The following CDKAL1 variants were observed in gnomAD, a reference collection of about 807,000 sequenced individuals.
The protein encoded by CDKAL1 is threonylcarbamoyladenosine tRNA methylthiotransferase.
A neutral mutation model predicts 68.2 loss-of-function variants in CDKAL1; 32 were observed. That is an observed-to-expected ratio of 0.47 (90% CI 0.35 to 0.63). The LOEUF (loss-of-function observed/expected upper bound fraction) is 0.63, where lower values mean the gene tolerates loss of function less well. Among genes scored for constraint, CDKAL1 ranks in the 30% least tolerant of loss-of-function variants. The probability of loss-of-function intolerance (pLI) is 0.00; values close to 1 mark genes in which losing one functional copy is unlikely to be tolerated. For missense variants in CDKAL1, 606 were observed against 696.7 expected (o/e 0.87, Z 1.47); for synonymous variants, 234 against 244.3 (o/e 0.96, Z 0.39).
At chr6:20,550,223 C>T (rs956926009) in intron 4 of CDKAL1, among the ~76,000 whole-genome samples, 1 of 150,608 alleles carries the variant, frequency 6.6e-6, no homozygotes, top group African/African-American at 2.4e-5. Flanking sequence ...GGTGATTTAC[C>T]TGCCTTGGCC....
At chr6:21,164,496 G>A (rs1324491239) in intron 13 of CDKAL1, among the ~76,000 whole-genome samples, 2 of 150,348 alleles carry the variant, frequency 1.3e-5, no homozygotes, top group East Asian at 1.9e-4. Context: ...CACACAGACC[G>A]GGGCTGGCCC....
chr6:20,822,408 A>G (rs1777323148), intron 8 of CDKAL1, among the ~76,000 whole-genome samples: 1 of 152,168 alleles, frequency 6.6e-6, no homozygotes, highest in Non-Finnish European at 1.5e-5. Context: ...ATTTTAGGTC[A>G]TCATTCACTC....
chr6:21,215,774 A>G (rs1193084467), intron 15 of CDKAL1, among the ~76,000 whole-genome samples: 2 of 152,146 alleles, frequency 1.3e-5, no homozygotes, highest in Admixed American at 6.5e-5. Context: ...CACCCTGGGG[A>G]CCTGTGGTAG....
At chr6:20,677,077 T>TTG (rs112049271) in intron 5 of CDKAL1, among the ~76,000 whole-genome samples, 18 of 151,906 alleles carry the variant, frequency 1.2e-4, no homozygotes, top group Non-Finnish European at 2.4e-4. Flanking sequence ...ATAATTTTTT[T>TTG]TGTGTGTGTG....
chr6:20,664,046 A>AT (rs1424740655), intron 5 of CDKAL1, among the ~76,000 whole-genome samples: 2 of 152,046 alleles, frequency 1.3e-5, no homozygotes, highest in African/African-American at 2.4e-5. Flanking sequence ...CTTGCTGGAG[A>AT]TTTTTTATAG....
At chr6:20,917,457 T>C (rs1376909321) in intron 9 of CDKAL1, among the ~76,000 whole-genome samples, 1 of 152,224 alleles carries the variant, frequency 6.6e-6, no homozygotes, top group Non-Finnish European at 1.5e-5. Context: ...AGTAAAAGTG[T>C]ATAATACAAA....
intron 7 of CDKAL1, among the ~76,000 whole-genome samples, chr6:20,763,668 T>C (rs974729791): frequency 3.3e-5 from 5 of 152,182 alleles, no homozygotes; most frequent in Non-Finnish European, 5.9e-5. Flanking sequence ...GCATTCTTCT[T>C]ATTGCTGCTT....
intron 5 of CDKAL1, among the ~76,000 whole-genome samples, chr6:20,664,478 T>G (rs1385494273): frequency 6.6e-6 from 1 of 152,182 alleles, no homozygotes; most frequent in Non-Finnish European, 1.5e-5. Context: ...AAGTTTAATT[T>G]GGTGCTTTCC....
At chr6:20,854,896 G>A (rs1222873106) in intron 9 of CDKAL1, among the ~76,000 whole-genome samples, 2 of 152,172 alleles carry the variant, frequency 1.3e-5, no homozygotes, top group Non-Finnish European at 2.9e-5. Context: ...TCCAAAACTT[G>A]GTGGAAAATT....
chr6:21,207,980 C>G (rs1779004308), intron 15 of CDKAL1, among the ~76,000 whole-genome samples: 1 of 151,810 alleles, frequency 6.6e-6, no homozygotes, highest in Non-Finnish European at 1.5e-5. Flanking sequence ...GTTGGCCATT[C>G]TTACGGACAG....
rs905721525 is a variant in CDKAL1 at position 20,771,797 on chromosome 6, C to T, written c.518-9348C>T. On this transcript the variant is annotated intron_variant, in intron 7 of 15. Coordinates refer to ENST00000274695, the MANE Select transcript of CDKAL1 (RefSeq NM_017774.3). ...TGTCTTTTCTTGTTCCTACTCTCCC[C>T]GTGTGACAGGTGGGCACCCCCTTTG... 2.6e-5 allele frequency among the ~76,000 whole-genome samples: 4 copies of T among 152,196 alleles called. No homozygotes were observed. The South Asian group carries it at 8.3e-4, about 32-fold the overall frequency.
chr6:20,574,622 G>T (rs1267326599), intron 4 of CDKAL1, among the ~76,000 whole-genome samples: 1 of 152,080 alleles, frequency 6.6e-6, no homozygotes, highest in Admixed American at 6.6e-5. Flanking sequence ...AGCCCTGTGG[G>T]TCTGTCTGGT....
intron 5 of CDKAL1, among the ~76,000 whole-genome samples, chr6:20,677,132 G>A (rs374233399): frequency 9.9e-5 from 15 of 151,748 alleles, no homozygotes; most frequent in African/African-American, 2.7e-4. Context: ...GTGCAGTGGC[G>A]CGATTTTGGC....
intron 7 of CDKAL1, among the ~76,000 whole-genome samples, chr6:20,772,336 A>T (rs1023293080): frequency 1.3e-5 from 2 of 152,210 alleles, no homozygotes; most frequent in African/African-American, 2.4e-5. Context: ...CTAAGGGTCA[A>T]TACTAATGTT....
intron 10 of CDKAL1, among the ~76,000 whole-genome samples, chr6:20,994,682 T>G (rs534131244): frequency 6.6e-6 from 1 of 152,352 alleles, no homozygotes; most frequent in Non-Finnish European, 1.5e-5. Context: ...TTTTTTAGTT[T>G]CCTAGTGTAT....
intron 12 of CDKAL1, among the ~76,000 whole-genome samples, chr6:21,070,659 T>G (rs1229280697): frequency 2.0e-5 from 3 of 152,214 alleles, no homozygotes; most frequent in Non-Finnish European, 4.4e-5. Context: ...TTCTACTCTC[T>G]TCTCTCTTCC....
At chr6:20,923,174 G>A (rs901662850) in intron 9 of CDKAL1, among the ~76,000 whole-genome samples, 1 of 152,116 alleles carries the variant, frequency 6.6e-6, no homozygotes, top group South Asian at 2.1e-4. Context: ...TCCAGCCTCC[G>A]CCTCCCAAAG....
At chr6:21,214,019 A>G (rs951446823) in intron 15 of CDKAL1, among the ~76,000 whole-genome samples, 1 of 152,252 alleles carries the variant, frequency 6.6e-6, no homozygotes, top group Admixed American at 6.5e-5. Flanking sequence ...GTTCTGACAC[A>G]TGCTACAGCA....
chr6:21,095,502 C>G (rs1320013425), intron 12 of CDKAL1, among the ~76,000 whole-genome samples: 2 of 152,116 alleles, frequency 1.3e-5, no homozygotes, highest in Non-Finnish European at 2.9e-5. Context: ...AGGGGAAACT[C>G]AGCTACTTTA....
Sources: allele counts gnomAD v4.1 joint callset (sites outside exome capture counted in the v4.1 genomes callset), GRCh38; gene constraint gnomAD v4.1.1; transcripts MANE v1.5; gene names NCBI Gene and HGNC (gene_info 2026-07-23, HGNC 2026-07-21).